Variants in TRABD2B observed in about 807,000 individuals in gnomAD.
TRABD2B encodes the protein metalloprotease TIKI2.
A neutral mutation model predicts 40.1 loss-of-function variants in TRABD2B; 14 were observed. That is an observed-to-expected ratio of 0.35 (90% confidence interval 0.23 to 0.55). TRABD2B has a LOEUF of 0.55. Among genes scored for constraint, TRABD2B ranks in the 20% least tolerant of loss-of-function variants. The pLI is 0.90. For missense variants in TRABD2B, 541 were observed against 648.6 expected, an observed-to-expected ratio of 0.83 and a Z score of 1.80; for synonymous variants, 263 against 277.0, an observed-to-expected ratio of 0.95 and a Z score of 0.50.
chr1:47,921,085 C>A (rs190638478), intron 2 of TRABD2B, among the ~76,000 whole-genome samples: 1 of 152,352 alleles, frequency 6.6e-6, no homozygotes, highest in East Asian at 1.9e-4. Context: ...TAGACACACA[C>A]TCACTAAATG....
intron 2 of TRABD2B, among the ~76,000 whole-genome samples, chr1:47,806,688 G>A (rs1402041817): frequency 3.9e-5 from 6 of 152,150 alleles, no homozygotes; most frequent in African/African-American, 2.4e-5. Context: ...ATTTAAACAC[G>A]TCTTCAAACG....
At chr1:47,867,726 G>T (rs114211859) in intron 2 of TRABD2B, among the ~76,000 whole-genome samples, 1 of 152,216 alleles carries the variant, frequency 6.6e-6, no homozygotes, top group African/African-American at 2.4e-5. Context: ...AAAAAATGAT[G>T]CACTCACTAA....
At chr1:47,789,693 CT>C (rs904499934) in intron 4 of TRABD2B, among the ~76,000 whole-genome samples, 7 of 152,118 alleles carry the variant, frequency 4.6e-5, no homozygotes, top group African/African-American at 1.7e-4. Context: ...AATTTGCTCC[CT>C]TTTTGGCTGC....
chr1:47,927,346 T>C (rs1644983143), intron 2 of TRABD2B, among the ~76,000 whole-genome samples: 1 of 152,176 alleles, frequency 6.6e-6, no homozygotes, highest in Non-Finnish European at 1.5e-5. Context: ...ACTGCAAACA[T>C]CCACTCTTCC....
At chr1:47,918,408 A>G (rs1644857927) in intron 2 of TRABD2B, among the ~76,000 whole-genome samples, 1 of 152,206 alleles carries the variant, frequency 6.6e-6, no homozygotes, top group Non-Finnish European at 1.5e-5. Context: ...GTTACATGCT[A>G]TTAGCCACAT....
intron 2 of TRABD2B, among the ~76,000 whole-genome samples, chr1:47,859,265 C>T (rs868977): frequency 0.34 from 52,117 of 151,994 alleles, 9,128 homozygotes; most frequent in Non-Finnish European, 0.37. Flanking sequence ...CTCCTCCCAC[C>T]GCCTTTGCTG....
At chr1:47,856,031 A>G (rs970145741) in intron 2 of TRABD2B, among the ~76,000 whole-genome samples, 6 of 152,218 alleles carry the variant, frequency 3.9e-5, no homozygotes, top group African/African-American at 1.4e-4. Flanking sequence ...GCTGTCATGA[A>G]GAAGAGAGAT....
chr1:47,875,708 GA>G (rs944566022), intron 2 of TRABD2B, among the ~76,000 whole-genome samples: 26 of 144,644 alleles, frequency 1.8e-4, no homozygotes, highest in Non-Finnish European at 3.5e-4. Flanking sequence ...AAAGAAGAAG[GA>G]AAGGAAGAAA....
In TRABD2B at chr1:47,983,084, A is replaced by T. The variant is rs919753599; in HGVS notation, c.666+10950T>A. On this transcript the variant is annotated intron_variant, in intron 2 of 6. Transcript: ENST00000606738. ...AATAGCAAAGACATGGAATCAACCTAAATGCCCATCCACAGATTGGATAAA... is the reference window on the plus strand; with the variant it reads ...AATAGCAAAGACATGGAATCAACCTTAATGCCCATCCACAGATTGGATAAA... Among the ~76,000 whole-genome samples the T allele has an allele frequency of 7.2e-5, 11 of 152,350 alleles. 1 individual carries two copies. Among genetic ancestry groups the T allele is most frequent in the African/African-American group, 2.4e-4 (10 of 41,590 alleles).
chr1:47,975,317 C>A (rs572281603), intron 2 of TRABD2B, among the ~76,000 whole-genome samples: 1 of 152,118 alleles, frequency 6.6e-6, no homozygotes, highest in Non-Finnish European at 1.5e-5. Context: ...ATTTAAAAAA[C>A]ATTTGTTAGG....
At chr1:47,923,043 C>T (rs1460590233) in intron 2 of TRABD2B, among the ~76,000 whole-genome samples, 1 of 152,206 alleles carries the variant, frequency 6.6e-6, no homozygotes, top group African/African-American at 2.4e-5. Context: ...CCCTCTGAGC[C>T]TCAAATGCGC....
intron 2 of TRABD2B, among the ~76,000 whole-genome samples, chr1:47,913,769 G>T (rs1456233752): frequency 6.6e-6 from 1 of 152,118 alleles, no homozygotes; most frequent in Non-Finnish European, 1.5e-5. Context: ...GAAAACATCA[G>T]GAAAAGTACA....
intron 2 of TRABD2B, among the ~76,000 whole-genome samples, chr1:47,875,977 A>C (rs571322258): frequency 6.6e-6 from 1 of 152,354 alleles, no homozygotes; most frequent in African/African-American, 2.4e-5. Context: ...ATATTTACAA[A>C]ATGAACATGT....
intron 2 of TRABD2B, among the ~76,000 whole-genome samples, chr1:47,978,072 G>T (rs556491890): frequency 1.3e-5 from 2 of 152,004 alleles, no homozygotes; most frequent in African/African-American, 4.8e-5. Context: ...AAATTTATAC[G>T]TTGAAACCTA....
intron 2 of TRABD2B, among the ~76,000 whole-genome samples, chr1:47,986,077 A>G (rs991414235): frequency 6.6e-6 from 1 of 152,240 alleles, no homozygotes; most frequent in Non-Finnish European, 1.5e-5. Flanking sequence ...CATGAAAATA[A>G]GTGGAGGGAT....
chr1:47,783,090 AAG>A (rs1474582637), intron 4 of TRABD2B, among the ~76,000 whole-genome samples: 1 of 152,092 alleles, frequency 6.6e-6, no homozygotes, highest in South Asian at 2.1e-4. Context: ...AGAGAGGAGA[AAG>A]AGAGAGAGAG....
intron 2 of TRABD2B, among the ~76,000 whole-genome samples, chr1:47,933,581 T>A (rs1645069100): frequency 6.6e-6 from 1 of 152,340 alleles, no homozygotes; most frequent in African/African-American, 2.4e-5. Flanking sequence ...CTTTGATGTA[T>A]ATAAATAGCA....
chr1:47,794,762 TGC>T lies in TRABD2B; in HGVS notation c.814-4_814-3del. ...GGTGGTGTTGATAAAGTTGGGCAGC[TGC>T]AAAGGCAAGACAGAGGCTGCCTTCA... is the stretch of plus-strand genomic sequence containing the variant. On this transcript the variant is annotated splice_polypyrimidine_tract_variant and splice_region_variant and intron_variant, in intron 3 of 6. Coordinates refer to ENST00000606738, the MANE Select transcript of TRABD2B (RefSeq NM_001194986.2). 6 of 1,507,168 alleles carry T rather than the reference TGC, an allele frequency of 4.0e-6. No homozygotes were observed. The highest frequency in any genetic ancestry group is 5.3e-6 in the Non-Finnish European group (6 of 1,130,334). The allele number at this position is 1,507,168 out of a possible 1,614,324, so 93.4% of individuals were successfully genotyped here. A position where few individuals can be genotyped will look rare whatever the true frequency, so the allele number is the denominator to read the frequency against.
chr1:47,843,564 C>A (rs924347474), intron 2 of TRABD2B, among the ~76,000 whole-genome samples: 1 of 151,948 alleles, frequency 6.6e-6, no homozygotes, highest in Non-Finnish European at 1.5e-5. Flanking sequence ...GGAAGGAAGT[C>A]CAGGATGGAG....
Sources: gnomAD v4.1 joint callset for allele counts (sites outside exome capture counted in the v4.1 genomes callset) on GRCh38, gnomAD v4.1.1 for gene constraint, MANE v1.5 for transcripts, NCBI Gene and HGNC (gene_info 2026-07-23, HGNC 2026-07-21) for gene names.